Variants in NUP214 observed in about 807,000 individuals in gnomAD.
NUP214 encodes the protein nucleoporin 214.
NUP214 carries 79 observed loss-of-function variants against 196.2 expected under a neutral mutation model. That is an observed-to-expected ratio of 0.40 (90% CI 0.34 to 0.49). The LOEUF is 0.49. NUP214 is among the 20% of genes least tolerant of loss of function. NUP214 has a pLI of 0.58. For missense variants in NUP214, 2,468 were observed against 2,539.0 expected (o/e 0.97, Z 0.60); for synonymous variants, 1,020 against 990.5 (o/e 1.03, Z -0.56).
chr9:131,162,894 T>C (rs1832682012), intron 18 of NUP214, 97 bp from the exon 19 acceptor site: 1 of 1,162,028 alleles, frequency 8.6e-7, no homozygotes, highest in Admixed American at 2.2e-5. Flanking sequence ...ATTTTATCAT[T>C]TTCACTGTTA....
intron 23 of NUP214, among the ~76,000 whole-genome samples, chr9:131,177,395 A>G (rs1262734382): frequency 6.6e-6 from 1 of 152,214 alleles, no homozygotes; most frequent in Non-Finnish European, 1.5e-5. Flanking sequence ...AATGATCTGT[A>G]AAACGTTAAA....
At chr9:131,155,685 T>C (rs1006607509) in intron 17 of NUP214, among the ~76,000 whole-genome samples, 2 of 152,222 alleles carry the variant, frequency 1.3e-5, no homozygotes, top group Non-Finnish European at 2.9e-5. Context: ...CCAGTTTCAT[T>C]CTTTTACATG....
rs760082844 is a variant in NUP214 at position 131,147,549 on chromosome 9, A to G, written c.2005A>G (p.Ile669Val). The change falls in exon 14 of 36, where the codon ATA becomes GTA. Residue 669 changes from isoleucine to valine, a missense_variant. Ile to Val is a conservative substitution (Grantham distance 29, BLOSUM62 3). Around this residue, in one of 5 missense-constraint regions of NUP214, gnomAD observed 1,801 missense variants for 1,779.4 expected, o/e 1.01. Transcript: ENST00000359428. ...CTCAATGGTACAGAAATCACCCAGGATAACCCCTCCAGCGGCAAAGCCAGG... is the reference window on the plus strand; with the variant it reads ...CTCAATGGTACAGAAATCACCCAGGGTAACCCCTCCAGCGGCAAAGCCAGG... ...VPSMVQKSPR[I>V]TPPAAKPGSP... is the part of the protein sequence containing the mutation. 3.7e-6 allele frequency: 6 copies of G among 1,614,026 alleles called. No individual in the cohort carries two copies. In the East Asian group the frequency reaches 1.3e-4, roughly 36 times the overall value.
chr9:131,158,437 G>A (rs1009045351), intron 17 of NUP214, among the ~76,000 whole-genome samples: 12 of 152,100 alleles, frequency 7.9e-5, no homozygotes, highest in South Asian at 2.1e-4. Flanking sequence ...GTTAACAGTC[G>A]CCCAAAATTT....
chr9:131,132,808 T>C (rs1484551458), intron 6 of NUP214, 149 bp downstream of exon 6: 20 of 701,616 alleles, frequency 2.9e-5, no homozygotes, highest in Non-Finnish European at 4.6e-5. Context: ...ATTAAGTCAG[T>C]GTAAATTATG....
intron 18 of NUP214, among the ~76,000 whole-genome samples, chr9:131,162,110 C>T (rs547215468): frequency 2.0e-5 from 3 of 152,132 alleles, no homozygotes; most frequent in Non-Finnish European, 2.9e-5. Context: ...AAAGATTAGA[C>T]ACCCCTGCTG....
rs376433312 is a variant in NUP214, at chr9:131,151,775, C to T, written c.2317C>T (p.Leu773Phe). Residue 773 changes from leucine (L) to phenylalanine (F), a missense_variant, in exon 17 of 36, where the codon CTT becomes TTT. Leu to Phe is a conservative substitution (Grantham distance 22). Around this residue, in one of 5 missense-constraint regions of NUP214, gnomAD observed 1,801 missense variants for 1,779.4 expected, o/e 1.01. Transcript: ENST00000359428. ...TATAAGTAGCCTGAAAACAACTTTA[C>T]TTGAGGGCTTTGCTGGTGTTGAGGA... ...GDISSLKTTL[L>F]EGFAGVEEAR... 8.1e-6 allele frequency: 13 copies of T among 1,613,212 alleles called. No homozygotes were observed. The highest frequency in any genetic ancestry group is 6.7e-5 in the African/African-American group (5 of 74,864).
intron 32 of NUP214, among the ~76,000 whole-genome samples, chr9:131,223,709 A>ATTTT (rs1307889024): frequency 2.2e-4 from 7 of 32,368 alleles, no homozygotes; most frequent in South Asian, 1.4e-3. Flanking sequence ...CTTTTTTTTT[A>ATTTT]TTTTTATTTA....
intron 24 of NUP214, among the ~76,000 whole-genome samples, chr9:131,178,993 T>G (rs376715291): frequency 0.031 from 4,566 of 148,856 alleles, 79 homozygotes; most frequent in African/African-American, 0.043. Flanking sequence ...TGTTGTTGTT[T>G]TTTGTTTTTT....
At position 131,164,120 on chromosome 9, in the gene NUP214, C is replaced by T. The variant is rs572579627; in HGVS notation, c.2869C>T (p.Pro957Ser). ...AAACTTCTTGGCCAAGAGGAAGACC[C>T]CACCAGTGAGATCCACTGCTCCAGG... ...LRNFLAKRKT[P>S]PVRSTAPASL... The change falls in exon 21 of 36, where the codon CCA becomes TCA. Residue 957 changes from proline (P) to serine (S), a missense_variant. Coordinates refer to ENST00000359428, the MANE Select transcript of NUP214 (RefSeq NM_005085.4). 4 of 1,614,052 alleles carry T rather than the reference C, an allele frequency of 2.5e-6. No homozygotes were observed. Among genetic ancestry groups the T allele is most frequent in the Non-Finnish European group, 3.4e-6 (4 of 1,180,014 alleles).
intron 21 of NUP214, among the ~76,000 whole-genome samples, chr9:131,167,667 A>G (rs1832825280): frequency 6.6e-6 from 1 of 152,194 alleles, no homozygotes; most frequent in African/African-American, 2.4e-5. Flanking sequence ...CTATTCTGGT[A>G]GGACTCTTTT....
At chr9:131,157,469 T>TC (rs1179024109) in intron 17 of NUP214, among the ~76,000 whole-genome samples, 1 of 142,942 alleles carries the variant, frequency 7.0e-6, no homozygotes, top group African/African-American at 2.6e-5. Flanking sequence ...GTTTTTTTTT[T>TC]TTTTTTTTTT....
At chr9:131,142,261 T>TTTC (rs1831939875) in intron 11 of NUP214, among the ~76,000 whole-genome samples, 1 of 152,220 alleles carries the variant, frequency 6.6e-6, no homozygotes, top group Non-Finnish European at 1.5e-5. Flanking sequence ...ACGAGGTTTG[T>TTTC]TTCTGAGCCT....
intron 30 of NUP214, among the ~76,000 whole-genome samples, chr9:131,213,504 A>T (rs1834304796): frequency 6.6e-6 from 1 of 152,158 alleles, no homozygotes; most frequent in South Asian, 2.1e-4. Flanking sequence ...AATTAAGCTG[A>T]ACCATTTGAG....
chr9:131,150,369 T>C lies in NUP214; in HGVS notation c.2086T>C (p.Trp696Arg), dbSNP rs1377485258. The C allele has an allele frequency of 1.9e-6, 3 of 1,614,182 alleles. No individual in the cohort carries two copies. Among genetic ancestry groups the C allele is most frequent in the East Asian group, 2.2e-5 (1 of 44,874 alleles). ...TGTTGCAGAAAAGCAGGGACATCAG[T>C]GGAAAGATTCAGATCCTGTAATGGC... is the stretch of plus-strand genomic sequence containing the variant. ...PAVAEKQGHQ[W>R]KDSDPVMAGI... Residue 696 changes from tryptophan to arginine, a missense_variant, in exon 15 of 36, where the codon TGG becomes CGG. Physicochemically the swap from Trp to Arg is moderately radical, Grantham distance 101. Transcript: ENST00000359428.
chr9:131,189,519 A>G (rs1227495557), intron 26 of NUP214, among the ~76,000 whole-genome samples: 1 of 152,196 alleles, frequency 6.6e-6, no homozygotes, highest in South Asian at 2.1e-4. Context: ...TTCTTCCACT[A>G]AAAGGAATTA....
At chr9:131,192,120 C>T in intron 26 of NUP214, 88 bp from the exon 27 acceptor site, 1 of 879,144 alleles carries the variant, frequency 1.1e-6, no homozygotes, top group Non-Finnish European at 1.7e-6. Context: ...ACAGGCTGAG[C>T]TACAGGGAAT....
intron 32 of NUP214, among the ~76,000 whole-genome samples, chr9:131,226,167 T>C (rs565544343): frequency 6.6e-6 from 1 of 152,304 alleles, no homozygotes; most frequent in Admixed American, 6.5e-5. Flanking sequence ...GATCCCAGGC[T>C]TATTGGGAAG....
chr9:131,142,424 G>A lies in NUP214; in HGVS notation c.1294+1714G>A, dbSNP rs542200878. On this transcript the variant is annotated intron_variant, in intron 11 of 35. Coordinates refer to ENST00000359428, the MANE Select transcript of NUP214 (RefSeq NM_005085.4). ...GAGAGCCCCTGCGGGGAGAAAGTCC[G>A]TCCCATCAGCTAAGTCTAGCTAAAG... Among the ~76,000 whole-genome samples the A allele has an allele frequency of 3.9e-5, 6 of 152,326 alleles. No individual in the cohort carries two copies. In the South Asian group the frequency reaches 6.2e-4, roughly 16 times the overall value.
Sources: allele counts gnomAD v4.1 joint callset (sites outside exome capture counted in the v4.1 genomes callset), GRCh38; gene constraint gnomAD v4.1.1; regional missense constraint gnomAD v4.1.1; transcripts MANE v1.5; gene names NCBI Gene and HGNC (gene_info 2026-07-23, HGNC 2026-07-21).